WDR59: variants seen among roughly 807,000 people sequenced by gnomAD.
WDR59 encodes the protein WD repeat domain 59.
In WDR59, 100 loss-of-function variants were observed where a neutral mutation model predicts 131.2. That is an observed-to-expected ratio of 0.76 (90% confidence interval 0.65 to 0.90). The LOEUF (loss-of-function observed/expected upper bound fraction) is 0.90, where lower values mean the gene tolerates loss of function less well. WDR59 is among the 40% of genes least tolerant of loss of function. The pLI, the probability that WDR59 is intolerant of heterozygous loss-of-function variation, is 0.00. For missense variants in WDR59, 1,203 were observed against 1,262.2 expected (o/e 0.95, Z 0.71); for synonymous variants, 601 against 466.2 (o/e 1.29, Z -3.72).
At chr16:74,921,254 G>A (rs995392975) in intron 10 of WDR59, among the ~76,000 whole-genome samples, 26 of 151,236 alleles carry the variant, frequency 1.7e-4, no homozygotes, top group African/African-American at 4.1e-4. Flanking sequence ...CCCACCCTCC[G>A]TCCTCAAGTA....
chr16:74,923,750 A>C (rs987340425), intron 9 of WDR59, among the ~76,000 whole-genome samples, 176 bp downstream of exon 9: 4 of 152,090 alleles, frequency 2.6e-5, no homozygotes, highest in South Asian at 2.1e-4. Context: ...CCAAGAATAA[A>C]ATTTTAAGTA....
intron 2 of WDR59, chr16:74,959,720 C>T (rs1305313522): frequency 1.5e-5 from 4 of 267,470 alleles, no homozygotes; most frequent in Non-Finnish European, 2.1e-5. Flanking sequence ...TTCAAGGCTG[C>T]AGCGAGCCAT....
chr16:74,939,871 G>A (rs1166127085), intron 7 of WDR59, among the ~76,000 whole-genome samples: 1 of 152,086 alleles, frequency 6.6e-6, no homozygotes, highest in Non-Finnish European at 1.5e-5. Flanking sequence ...GTGCATACCT[G>A]CAGTCCCAGC....
At chr16:74,880,516 T>C (rs924936545) in intron 25 of WDR59, among the ~76,000 whole-genome samples, 1 of 152,084 alleles carries the variant, frequency 6.6e-6, no homozygotes, top group Admixed American at 6.5e-5. Context: ...GGGGAGGAGA[T>C]GGCTTCATAT....
chr16:74,938,527 G>A (rs2031980799), intron 7 of WDR59, among the ~76,000 whole-genome samples: 1 of 152,006 alleles, frequency 6.6e-6, no homozygotes, highest in Non-Finnish European at 1.5e-5. Context: ...AAGGTAGTAG[G>A]TGCTTTTCAC....
At chr16:74,897,207 CCA>C (rs1230681700) in intron 18 of WDR59, among the ~76,000 whole-genome samples, 1 of 152,142 alleles carries the variant, frequency 6.6e-6, no homozygotes, top group African/African-American at 2.4e-5. Context: ...TCTGCTCAGC[CCA>C]AGTGTCTACT....
intron 25 of WDR59, 87 bp from the exon 26 acceptor site, chr16:74,874,531 G>C: frequency 8.8e-7 from 1 of 1,140,858 alleles, no homozygotes; most frequent in Non-Finnish European, 1.3e-6. Context: ...GAAGAAGGAA[G>C]TCTTCCTCTC....
chr16:74,935,360 T>C (rs780866482), intron 8 of WDR59, among the ~76,000 whole-genome samples: 2 of 152,168 alleles, frequency 1.3e-5, no homozygotes, highest in Non-Finnish European at 2.9e-5. Context: ...TGTAAAATGA[T>C]ATAAACTCAT....
At chr16:74,912,955 C>T (rs1415516251) in intron 13 of WDR59, among the ~76,000 whole-genome samples, 2 of 152,150 alleles carry the variant, frequency 1.3e-5, no homozygotes, top group African/African-American at 4.8e-5. Flanking sequence ...GTGTTCCTTG[C>T]CCTCATTCCG....
intron 8 of WDR59, among the ~76,000 whole-genome samples, chr16:74,934,950 C>A (rs764392651): frequency 6.6e-6 from 1 of 151,930 alleles, no homozygotes; most frequent in Non-Finnish European, 1.5e-5. Context: ...CAAGGGTGGT[C>A]GGGCATGGTG....
At chr16:74,922,156 C>A in intron 9 of WDR59, 53 bp from the exon 10 acceptor site, 2 of 1,600,558 alleles carry the variant, frequency 1.2e-6, no homozygotes, top group Non-Finnish European at 8.5e-7. Context: ...GGAGAATCAG[C>A]TGAGTCTTGA....
chr16:74,899,712 T>C (rs1488703206), intron 18 of WDR59: 3 of 1,289,058 alleles, frequency 2.3e-6, no homozygotes, highest in Admixed American at 2.3e-5. Flanking sequence ...AAGTCGTTAA[T>C]TGCTTGTATG....
rs34468583 is a variant in WDR59 at position 74,932,430 on chromosome 16, TACACACACAC to T, written c.651+5710_651+5719del. ...AAATTGAGTCATGAAACATAATTTT[TACACACACAC>T]ACACACACACACACACACACACACA... On this transcript the variant is annotated intron_variant, in intron 8 of 25. Transcript: ENST00000262144. 7.9e-3 allele frequency among the ~76,000 whole-genome samples: 1,144 copies of T among 144,202 alleles called. 7 individuals are homozygous for T. Among genetic ancestry groups the T allele is most frequent in the Non-Finnish European group, 0.012 (807 of 65,934 alleles). 94.6% of individuals were successfully genotyped at this position (144,202 alleles called of 152,430 possible). A position where few individuals can be genotyped will look rare whatever the true frequency, so the allele number is the denominator to read the frequency against.
At position 74,921,981 on chromosome 16, in the gene WDR59, C is replaced by T; in HGVS notation, c.852G>A (p.Val284=). Residue 284 remains valine (V), a synonymous_variant, in exon 10 of 26, where the codon GTG becomes GTA. Transcript: ENST00000262144. ...GCTTCCTCCACTGGAACTCCAGGAC[C>T]ACATCATCATGCCCCACGAAGGTGT... The part of the protein sequence containing the change: ...PVHTFVGHDD[V]VLEFQWRKQK... 1 of 1,614,148 alleles carries T rather than the reference C, an allele frequency of 6.2e-7. No homozygotes were observed. The highest frequency in any genetic ancestry group is 8.5e-7 in the Non-Finnish European group (1 of 1,180,020).
At chr16:74,923,487 T>A (rs2030462904) in intron 9 of WDR59, among the ~76,000 whole-genome samples, 1 of 152,030 alleles carries the variant, frequency 6.6e-6, no homozygotes, top group Non-Finnish European at 1.5e-5. Flanking sequence ...TATTTTTTTA[T>A]TTTTTTTGGA....
At position 74,903,928 on chromosome 16, in the gene WDR59, C is replaced by A. The variant is rs1242670409; in HGVS notation, c.1866+19G>T. On this transcript the variant is annotated intron_variant, in intron 18 of 25. Transcript: ENST00000262144. ...CAGGAGAAGGGGTAAGAATCAAAGG[C>A]TACGGCTCTGGCACTTACCCGCTCC... The A allele has an allele frequency of 6.3e-6, 10 of 1,599,588 alleles. No homozygotes were observed. The highest frequency in any genetic ancestry group is 3.4e-5 in the Admixed American group (2 of 58,456).
chr16:74,978,270 C>T (rs554876100), intron 1 of WDR59, among the ~76,000 whole-genome samples: 1 of 142,432 alleles, frequency 7.0e-6, no homozygotes, highest in African/African-American at 2.6e-5. Context: ...TACGGTGAGC[C>T]GAGATCGTGC....
In WDR59 at chr16:74,942,752, T is replaced by C. The variant is rs770986899; in HGVS notation, c.520A>G (p.Ile174Val). 18 of 1,613,880 alleles carry C rather than the reference T, an allele frequency of 1.1e-5. No homozygotes were observed. Among genetic ancestry groups the C allele is most frequent in the Non-Finnish European group, 1.4e-5 (16 of 1,179,936 alleles). The change falls in exon 7 of 26, where the codon ATA (isoleucine) becomes GTA (valine). Residue 174 changes from isoleucine to valine, a missense_variant. Ile to Val is a conservative substitution (Grantham distance 29). Coordinates refer to ENST00000262144, the MANE Select transcript of WDR59 (RefSeq NM_030581.4). ...LATSHDGDVRIWDKRKPSTAV... is the reference protein window; with the variant it reads ...LATSHDGDVRVWDKRKPSTAV... ...AGATTACTCACCCTCTTATCCCATATCCGCACATCGCCGTCATGGCTGGTG... is the reference window on the plus strand; with the variant it reads ...AGATTACTCACCCTCTTATCCCATACCCGCACATCGCCGTCATGGCTGGTG...
chr16:74,950,050 T>A, intron 4 of WDR59: 1 of 517,940 alleles, frequency 1.9e-6, no homozygotes. Flanking sequence ...CTTAAAACAT[T>A]CTCTCTCTGG....
Sources: gnomAD v4.1 joint callset for allele counts (sites outside exome capture counted in the v4.1 genomes callset) on GRCh38, gnomAD v4.1.1 for gene constraint, MANE v1.5 for transcripts, NCBI Gene and HGNC (gene_info 2026-07-23, HGNC 2026-07-21) for gene names.